The following ACAP2 variants were observed in gnomAD, a reference collection of about 807,000 sequenced individuals.
The protein encoded by ACAP2 is arf-GAP with coiled-coil, ANK repeat and PH domain-containing protein 2.
In ACAP2, 39 loss-of-function variants were observed where a neutral mutation model predicts 115.8. The observed-to-expected ratio is 0.34, with a 90% CI of 0.26 to 0.44. ACAP2 has a LOEUF of 0.44. Ranked by LOEUF, ACAP2 falls within the 20% of genes least tolerant of loss-of-function variation. The pLI, the probability that ACAP2 is intolerant of heterozygous loss-of-function variation, is 1.00. For synonymous variants in ACAP2, 289 were observed against 315.8 expected (o/e 0.92, Z 0.90); for missense variants, 662 against 927.6 (o/e 0.71, Z 3.72).
chr3:195,342,330 A>G (rs1577328983), intron 6 of ACAP2, 141 bp downstream of exon 6: 1 of 759,918 alleles, frequency 1.3e-6, no homozygotes, highest in East Asian at 3.1e-5. Context: ...AGCTACACAG[A>G]TGGAAATTTT....
intron 10 of ACAP2, among the ~76,000 whole-genome samples, chr3:195,320,038 T>C (rs1024381813): frequency 6.6e-6 from 1 of 152,142 alleles, no homozygotes; most frequent in African/African-American, 2.4e-5. Context: ...TCACAAGATA[T>C]AATGGTTTAA....
rs143219224 is a variant in ACAP2 at position 195,382,063 on chromosome 3, T to C, written c.112-41A>G. The C allele has an allele frequency of 1.5e-4, 233 of 1,576,746 alleles. 1 individual carries two copies. In the East Asian group the frequency reaches 4.2e-3, roughly 28 times the overall value. On this transcript the variant is annotated intron_variant, in intron 2 of 22. Coordinates refer to ENST00000326793, the MANE Select transcript of ACAP2 (RefSeq NM_012287.6). Reference sequence around the variant, plus strand: ...AAAATTCATCAGGTTGAAGATAGTTTTACAAATTACTTAGTTGAACAAGTG... The same window carrying C: ...AAAATTCATCAGGTTGAAGATAGTTCTACAAATTACTTAGTTGAACAAGTG...
At chr3:195,299,373 C>G (rs747240969) in intron 15 of ACAP2, among the ~76,000 whole-genome samples, 26 of 144,162 alleles carry the variant, frequency 1.8e-4, no homozygotes, top group Non-Finnish European at 2.9e-4. Context: ...AGTTCAAGAA[C>G]AGCCTTTGCA....
chr3:195,301,146 C>T (rs1240123306), intron 15 of ACAP2, among the ~76,000 whole-genome samples: 3 of 151,284 alleles, frequency 2.0e-5, no homozygotes, highest in African/African-American at 7.3e-5. Flanking sequence ...AGTGCAGTGG[C>T]GCGATCTCGG....
intron 10 of ACAP2, among the ~76,000 whole-genome samples, chr3:195,314,375 C>T (rs1480238345): frequency 6.6e-6 from 1 of 151,952 alleles, no homozygotes; most frequent in Non-Finnish European, 1.5e-5. Flanking sequence ...TCAAGTGATT[C>T]TCCTGCCTCA....
chr3:195,435,436 G>A (rs917979252), intron 1 of ACAP2, among the ~76,000 whole-genome samples: 1 of 151,912 alleles, frequency 6.6e-6, no homozygotes, highest in African/African-American at 2.4e-5. Context: ...AAAGTGCTGG[G>A]ATTACAGGGA....
intron 4 of ACAP2, among the ~76,000 whole-genome samples, chr3:195,376,300 A>G (rs1262091087): frequency 6.6e-6 from 1 of 152,136 alleles, no homozygotes; most frequent in Non-Finnish European, 1.5e-5. Flanking sequence ...AGGCGGATGC[A>G]CAAGAATCAC....
chr3:195,403,598 A>T (rs922607869), intron 1 of ACAP2, among the ~76,000 whole-genome samples: 3 of 152,222 alleles, frequency 2.0e-5, no homozygotes, highest in Non-Finnish European at 4.4e-5. Context: ...TTTCTTGATG[A>T]ATTAGATGTG....
chr3:195,294,746 C>G lies in ACAP2; in HGVS notation c.1738G>C (p.Val580Leu), dbSNP rs1444779514. The change falls in exon 18 of 23, where the codon GTG becomes CTG. Residue 580 changes from valine (V) to leucine (L), a missense_variant. Val to Leu is a conservative substitution (Grantham distance 32, BLOSUM62 1). Coordinates refer to ENST00000326793, the MANE Select transcript of ACAP2 (RefSeq NM_012287.6). ...DDGRESLPST[V>L]SANSLYEPEG... ...GGCTCATATAAACTATTGGCTGACACCGTGGAGGGTAAAGATTCTCTTCCA... is the reference window on the plus strand; with the variant it reads ...GGCTCATATAAACTATTGGCTGACAGCGTGGAGGGTAAAGATTCTCTTCCA... 1.2e-6 allele frequency: 2 copies of G among 1,608,924 alleles called. No homozygotes were observed. Among genetic ancestry groups the G allele is most frequent in the Non-Finnish European group, 1.7e-6 (2 of 1,176,742 alleles).
chr3:195,309,009 G>GAAAGT (rs10636354), intron 10 of ACAP2, among the ~76,000 whole-genome samples, 172 bp from the exon 11 acceptor site: 125,559 of 151,624 alleles, frequency 0.83, 52,231 homozygotes, highest in East Asian at 0.94. Context: ...GAAAACTACT[G>GAAAGT]AAAGAACAAA....
intron 1 of ACAP2, among the ~76,000 whole-genome samples, chr3:195,440,557 T>C (rs1715917093): frequency 6.6e-6 from 1 of 152,210 alleles, no homozygotes; most frequent in Non-Finnish European, 1.5e-5. Flanking sequence ...AGGACACAAG[T>C]GCAGCTGCCT....
chr3:195,433,737 T>C (rs564787617), intron 1 of ACAP2, among the ~76,000 whole-genome samples: 1 of 152,360 alleles, frequency 6.6e-6, no homozygotes, highest in African/African-American at 2.4e-5. Flanking sequence ...ATTATTATAG[T>C]ATATTGCATT....
chr3:195,292,288 G>A lies in ACAP2; in HGVS notation c.1930C>T (p.Pro644Ser), dbSNP rs370854165. The A allele has an allele frequency of 1.9e-6, 3 of 1,597,918 alleles. No individual in the cohort carries two copies. Among genetic ancestry groups the A allele is most frequent in the Non-Finnish European group, 2.6e-6 (3 of 1,176,034 alleles). Reference protein sequence around the residue: ...WANSEENKATPLIQAVLGGSL... With the variant: ...WANSEENKATSLIQAVLGGSL... ...ACCCCTAATACAGCCTGAATAAGTG[G>A]TGTCGCTTTGTTTTCCTCTGAATTG... Residue 644 changes from proline (P) to serine (S), a missense_variant, in exon 19 of 23, where the codon CCA becomes TCA. Transcript: ENST00000326793.
chr3:195,436,072 C>G (rs1156786065), intron 1 of ACAP2, among the ~76,000 whole-genome samples: 10 of 150,936 alleles, frequency 6.6e-5, no homozygotes. Context: ...TGGATTGACC[C>G]TTTTATTTTT....
chr3:195,322,655 C>T (rs995330935), intron 9 of ACAP2, among the ~76,000 whole-genome samples: 6 of 152,046 alleles, frequency 3.9e-5, no homozygotes, highest in Non-Finnish European at 8.8e-5. Flanking sequence ...TTTGACGCTA[C>T]AATTTATTTA....
At chr3:195,283,661 A>G (rs1347350158) in intron 22 of ACAP2, among the ~76,000 whole-genome samples, 1 of 152,210 alleles carries the variant, frequency 6.6e-6, no homozygotes, top group Non-Finnish European at 1.5e-5. Context: ...CCGAAGAGCA[A>G]TTGCTATGCC....
chr3:195,365,961 C>T (rs1401473712), intron 4 of ACAP2, among the ~76,000 whole-genome samples: 1 of 151,980 alleles, frequency 6.6e-6, no homozygotes, highest in Non-Finnish European at 1.5e-5. Flanking sequence ...CCTACCTCAG[C>T]CTCCTGAGTA....
rs1053302936 is a variant in ACAP2, at chr3:195,391,594, C to A, written c.111+496G>T. 2.0e-5 allele frequency among the ~76,000 whole-genome samples: 3 copies of A among 152,238 alleles called. 1 individual carries two copies. The South Asian group carries it at 6.2e-4, about 32-fold the overall frequency. On this transcript the variant is annotated intron_variant, in intron 2 of 22. Coordinates refer to ENST00000326793, the MANE Select transcript of ACAP2 (RefSeq NM_012287.6). Reference sequence around the variant, plus strand: ...TGAAGTCAGACATGGATTTGAATTCCTGCTCTGGCACTTAGATTAGACTTT... The same window carrying A: ...TGAAGTCAGACATGGATTTGAATTCATGCTCTGGCACTTAGATTAGACTTT...
intron 4 of ACAP2, among the ~76,000 whole-genome samples, chr3:195,345,890 T>C (rs886850520): frequency 6.6e-6 from 1 of 152,222 alleles, no homozygotes; most frequent in African/African-American, 2.4e-5. Context: ...ACTTAAATGA[T>C]GCCATATATT....
Sources: allele counts gnomAD v4.1 joint callset (sites outside exome capture counted in the v4.1 genomes callset), GRCh38; gene constraint gnomAD v4.1.1; transcripts MANE v1.5; gene names NCBI Gene and HGNC (gene_info 2026-07-23, HGNC 2026-07-21).